DNASE1L3: variants seen among roughly 807,000 people sequenced by gnomAD.
DNASE1L3 encodes the protein deoxyribonuclease gamma.
In DNASE1L3, 27 loss-of-function variants were observed where a neutral mutation model predicts 30.9. The ratio of observed to expected loss-of-function variants is 0.87; its 90% CI spans 0.64 to 1.20. The LOEUF is 1.20. Among genes scored for constraint, DNASE1L3 ranks in the 50% most tolerant of loss-of-function variants. The pLI is 0.00. For synonymous variants in DNASE1L3, 135 were observed against 138.0 expected (o/e 0.98, Z 0.15); for missense variants, 364 against 378.2 (o/e 0.96, Z 0.31).
At position 58,200,889 on chromosome 3, in the gene DNASE1L3, C is replaced by G; in HGVS notation, c.546+108G>C. ...TAAAGAATGCTGTAAGTGGTGGTAG[C>G]CTGCACATGCCCTTCCTCCTCCCCC... On this transcript the variant is annotated intron_variant, in intron 5 of 7. Coordinates refer to ENST00000394549, the MANE Select transcript of DNASE1L3 (RefSeq NM_004944.4). The surrounding 1 kb of genome is among the most constrained non-coding windows in gnomAD (Gnocchi z 4.2). The G allele has an allele frequency of 1.3e-6, 1 of 783,066 alleles. No individual in the cohort carries two copies. Among genetic ancestry groups the G allele is most frequent in the Non-Finnish European group, 2.0e-6 (1 of 489,588 alleles). The allele number at this position is 783,066 out of a possible 1,614,324, so 48.5% of individuals were successfully genotyped here.
At chr3:58,210,590 C>A (rs557770825) in intron 1 of DNASE1L3, among the ~76,000 whole-genome samples, 176 bp downstream of exon 1, 52 of 152,210 alleles carry the variant, frequency 3.4e-4, no homozygotes, top group Non-Finnish European at 6.9e-4. Flanking sequence ...ATTGTTATCA[C>A]CCCTGTTTTA....
At position 58,202,852 on chromosome 3, in the gene DNASE1L3, TA is replaced by T. The variant is rs879567551; in HGVS notation, c.434-1744del. On this transcript the variant is annotated intron_variant, in intron 4 of 7. Coordinates refer to ENST00000394549, the MANE Select transcript of DNASE1L3 (RefSeq NM_004944.4). Reference sequence around the variant, plus strand: ...TGGGCAAGAAGAGTGAAACTCTGTCTAAAAAAAAAAAAATGAGGCTTGTCAG... The same window carrying T: ...TGGGCAAGAAGAGTGAAACTCTGTCTAAAAAAAAAAAATGAGGCTTGTCAG... Among the ~76,000 whole-genome samples, 521 of 141,728 alleles carry T rather than the reference TA, an allele frequency of 3.7e-3. 2 individuals carry two copies. Among genetic ancestry groups the T allele is most frequent in the African/African-American group, 7.9e-3 (305 of 38,514 alleles). The allele number at this position is 141,728 out of a possible 152,430, so 93.0% of individuals were successfully genotyped here.
intron 5 of DNASE1L3, 106 bp from the exon 6 acceptor site, chr3:58,198,084 G>T: frequency 7.7e-7 from 1 of 1,291,374 alleles, no homozygotes; most frequent in Admixed American, 2.6e-5. Context: ...AAACAACAGG[G>T]TCTGTTATGG....
rs375690971 is a variant in DNASE1L3, at chr3:58,210,863, A to T, written c.44T>A (p.Ile15Asn). 7 of 1,614,072 alleles carry T rather than the reference A, an allele frequency of 4.3e-6. No homozygotes were observed. The highest frequency in any genetic ancestry group is 5.9e-6 in the Non-Finnish European group (7 of 1,180,008). The change falls in exon 1 of 8, where the codon ATC (isoleucine) becomes AAC (asparagine). Residue 15 changes from isoleucine (I) to asparagine (N), a missense_variant. Ile to Asn is a moderately radical substitution (Grantham distance 149). Transcript: ENST00000394549. Reference protein sequence around the residue: ...LAPLLLLLLSIHSALAMRICS... With the variant: ...LAPLLLLLLSNHSALAMRICS... Reference sequence around the variant, plus strand: ...GATCCTCATGGCCAGGGCGCTGTGGATGGAGAGGAGGAGAAGCAGCAGTGG... The same window carrying T: ...GATCCTCATGGCCAGGGCGCTGTGGTTGGAGAGGAGGAGAAGCAGCAGTGG...
intron 6 of DNASE1L3, 150 bp from the exon 7 acceptor site, chr3:58,193,589 C>T (rs968614192): frequency 1.6e-6 from 1 of 644,562 alleles, no homozygotes; most frequent in African/African-American, 1.8e-5. Context: ...AGCCTGTGAC[C>T]CCAAAGGACA....
At chr3:58,201,168 C>G in intron 4 of DNASE1L3, 59 bp from the exon 5 acceptor site, 3 of 1,413,270 alleles carry the variant, frequency 2.1e-6, no homozygotes, top group Non-Finnish European at 2.0e-6. Context: ...CTCATAAACA[C>G]TGCTGGAGGG....
At chr3:58,205,666 G>A (rs1372148273) in intron 2 of DNASE1L3, 106 bp from the exon 3 acceptor site, 18 of 896,126 alleles carry the variant, frequency 2.0e-5, no homozygotes, top group South Asian at 7.1e-5. Flanking sequence ...GCATCATGTG[G>A]AAGGGCCACT....
At chr3:58,205,390 G>T in intron 3 of DNASE1L3, 81 bp downstream of exon 3, 6 of 1,286,752 alleles carry the variant, frequency 4.7e-6, no homozygotes, top group Non-Finnish European at 6.8e-6. Context: ...TCAAAATTTG[G>T]TTTTGAAGAA....
intron 5 of DNASE1L3, among the ~76,000 whole-genome samples, chr3:58,199,394 G>A (rs1260124205): frequency 6.6e-6 from 1 of 152,136 alleles, no homozygotes; most frequent in Non-Finnish European, 1.5e-5. Context: ...TCCCAGCCAG[G>A]CGCCGTGGCT....
chr3:58,204,753 C>A lies in DNASE1L3; in HGVS notation c.433+16G>T. On this transcript the variant is annotated intron_variant, in intron 4 of 7. Coordinates refer to ENST00000394549, the MANE Select transcript of DNASE1L3 (RefSeq NM_004944.4). ...GTTGGGGAGGTCCCAGACAGAAAGGCCTGTGTGGGTCTTACCAGTGTGGGG... is the reference window on the plus strand; with the variant it reads ...GTTGGGGAGGTCCCAGACAGAAAGGACTGTGTGGGTCTTACCAGTGTGGGG... 5.6e-6 allele frequency: 9 copies of A among 1,608,988 alleles called. No homozygotes were observed. The highest frequency in any genetic ancestry group is 7.7e-6 in the Non-Finnish European group (9 of 1,175,660).
rs2097397615 is a variant in DNASE1L3, at chr3:58,196,625, G to A, written c.704+1196C>T. 1.3e-5 allele frequency among the ~76,000 whole-genome samples: 2 copies of A among 151,238 alleles called. 1 individual carries two copies. The highest frequency in any genetic ancestry group is 4.2e-4 in the South Asian group (2 of 4,758). ...GTGGCCTGGTGGCTCTCATGCAGATGGCCATCTCACACTTCCTCGTGGCAG... is the reference window on the plus strand; with the variant it reads ...GTGGCCTGGTGGCTCTCATGCAGATAGCCATCTCACACTTCCTCGTGGCAG... On this transcript the variant is annotated intron_variant, in intron 6 of 7. Transcript: ENST00000394549.
intron 6 of DNASE1L3, among the ~76,000 whole-genome samples, chr3:58,194,951 C>A (rs1239227558): frequency 6.6e-6 from 1 of 152,160 alleles, no homozygotes; most frequent in African/African-American, 2.4e-5. Context: ...TTAATTCAAC[C>A]CAAATGTAAA....
At position 58,200,110 on chromosome 3, in the gene DNASE1L3, T is replaced by C. The variant is rs560037332; in HGVS notation, c.546+887A>G. Among the ~76,000 whole-genome samples the C allele has an allele frequency of 1.4e-4, 21 of 152,304 alleles. 1 individual carries two copies. The South Asian group carries it at 2.7e-3, about 20-fold the overall frequency. On this transcript the variant is annotated intron_variant, in intron 5 of 7. Transcript: ENST00000394549. This position sits in a 1 kb window ranked among gnomAD's most constrained non-coding sequence, Gnocchi z 4.2. Reference sequence around the variant, plus strand: ...TTCCAAAAGTGGAAAGAACTGAGCCTATAGGGATGGCAAATATGTGCCCCC... The same window carrying C: ...TTCCAAAAGTGGAAAGAACTGAGCCCATAGGGATGGCAAATATGTGCCCCC...
chr3:58,204,882 C>T lies in DNASE1L3; in HGVS notation c.321-1G>A. 1 of 1,613,734 alleles carries T rather than the reference C, an allele frequency of 6.2e-7. No homozygotes were observed. ...CCTCTTCACAGACACCAGCTTTTCC[C>T]TATAAGAAGGAAAAGGAAGTCCTCC... On this transcript the variant is annotated splice_acceptor_variant, in intron 3 of 7. Transcript: ENST00000394549. LOFTEE classifies it high-confidence loss of function.
intron 5 of DNASE1L3, among the ~76,000 whole-genome samples, chr3:58,199,456 G>A (rs1156865315): frequency 1.3e-5 from 2 of 152,136 alleles, no homozygotes; most frequent in African/African-American, 4.8e-5. Context: ...GATCACCTGA[G>A]GTCAGGCATT....
At chr3:58,202,095 A>G (rs2097401010) in intron 4 of DNASE1L3, among the ~76,000 whole-genome samples, 1 of 149,074 alleles carries the variant, frequency 6.7e-6, no homozygotes, top group South Asian at 2.1e-4. Context: ...TTTAATTGAC[A>G]GGAAAAATTG....
At chr3:58,206,069 T>C (rs3772988) in intron 2 of DNASE1L3, among the ~76,000 whole-genome samples, 54,946 of 151,818 alleles carry the variant, frequency 0.36, 10,058 homozygotes, top group Middle Eastern at 0.4. Context: ...CTGAAAGCCA[T>C]CAGGCATTTT....
At chr3:58,203,585 C>T (rs1247771701) in intron 4 of DNASE1L3, among the ~76,000 whole-genome samples, 1 of 152,160 alleles carries the variant, frequency 6.6e-6, no homozygotes, top group East Asian at 1.9e-4. Context: ...ATGGCTTGAG[C>T]TCAGGGGTTC....
Position 58,197,378 on chromosome 3 carries a change from A to G in DNASE1L3, c.704+443T>C, listed in dbSNP as rs1024533792. ...CATAGGGTCCTGTGGTTCATACGCT[A>G]CATGTGGTACCCAGTAGAGGGGCCT... On this transcript the variant is annotated intron_variant, in intron 6 of 7. Transcript: ENST00000394549. This position sits in a 1 kb window ranked among gnomAD's most constrained non-coding sequence, Gnocchi z 5.3. Among the ~76,000 whole-genome samples the G allele has an allele frequency of 6.6e-6, 1 of 152,214 alleles. No individual in the cohort carries two copies. The highest frequency in any genetic ancestry group is 1.5e-5 in the Non-Finnish European group (1 of 68,024).
Sources: gnomAD v4.1 joint callset for allele counts (sites outside exome capture counted in the v4.1 genomes callset) on GRCh38, gnomAD v4.1.1 for gene constraint, Gnocchi (gnomAD v3.1) non-coding constraint, MANE v1.5 for transcripts, NCBI Gene and HGNC (gene_info 2026-07-23, HGNC 2026-07-21) for gene names.